Variants in CLTB observed in about 807,000 individuals in gnomAD.
The protein encoded by CLTB is clathrin light chain B, also known as clathrin, light chain (Lcb).
Under a neutral mutation model 30.5 loss-of-function variants are expected in CLTB, and 10 were observed. The observed-to-expected ratio is 0.33, with a 90% CI of 0.20 to 0.56. The LOEUF (loss-of-function observed/expected upper bound fraction) is 0.56. Ranked by LOEUF, CLTB falls within the 20% of genes least tolerant of loss-of-function variation. The pLI, the probability that CLTB is intolerant of heterozygous loss-of-function variation, is 0.91. For synonymous variants in CLTB, 102 were observed against 120.3 expected (o/e 0.85, Z 1.00); for missense variants, 261 against 308.3 (o/e 0.85, Z 1.15).
At position 176,406,772 on chromosome 5, in the gene CLTB, G is replaced by T. The variant is rs561853948; in HGVS notation, c.234+3485C>A. The T allele has an allele frequency of 5.0e-6, 6 of 1,204,342 alleles. No homozygotes were observed. In the African/African-American group the frequency reaches 7.8e-5, roughly 16 times the overall value. The allele number at this position is 1,204,342 out of a possible 1,614,324, so 74.6% of individuals were successfully genotyped here. ...TCTGGGATCCTTGAAAGTGTTGGGTGTGCACAGGCCAAGGTTTCTCCTCCC... is the reference window on the plus strand; with the variant it reads ...TCTGGGATCCTTGAAAGTGTTGGGTTTGCACAGGCCAAGGTTTCTCCTCCC... On this transcript the variant is annotated intron_variant, in intron 2 of 5. Transcript: ENST00000310418.
chr5:176,413,215 GAC>G (rs937181241), intron 1 of CLTB, among the ~76,000 whole-genome samples: 5 of 152,168 alleles, frequency 3.3e-5, no homozygotes, highest in Non-Finnish European at 7.3e-5. Context: ...CTGAGACAGA[GAC>G]ACGTCCCAGG....
intron 2 of CLTB, among the ~76,000 whole-genome samples, chr5:176,400,458 G>C (rs2113645496): frequency 6.6e-6 from 1 of 152,254 alleles, no homozygotes; most frequent in Non-Finnish European, 1.5e-5. Context: ...TGACTCCCAG[G>C]CAGGGGCTCT....
rs1165667196 is a variant in CLTB at position 176,393,552 on chromosome 5, GA to G, written c.519-608del. On this transcript the variant is annotated intron_variant, in intron 5 of 5. Coordinates refer to ENST00000310418, the MANE Select transcript of CLTB (RefSeq NM_007097.5). This position sits in a 1 kb window ranked among gnomAD's most constrained non-coding sequence, Gnocchi z 4.4. ...GCCTTTCATGTGCTGTGTGCGTCGT[GA>G]CCCTCCAAGGTGTGTATGTGATGGA... 1.3e-5 allele frequency among the ~76,000 whole-genome samples: 2 copies of G among 152,156 alleles called. No individual in the cohort carries two copies. Among genetic ancestry groups the G allele is most frequent in the Non-Finnish European group, 2.9e-5 (2 of 68,038 alleles).
chr5:176,398,194 CA>C (rs1342678837), intron 2 of CLTB, 147 bp from the exon 3 acceptor site: 1 of 691,552 alleles, frequency 1.4e-6, no homozygotes, highest in African/African-American at 1.8e-5. Context: ...CCTATCTTTG[CA>C]CTTGCTGTTC....
intron 2 of CLTB, among the ~76,000 whole-genome samples, chr5:176,404,247 A>G (rs1756983418): frequency 6.6e-6 from 1 of 152,152 alleles, no homozygotes; most frequent in Admixed American, 6.5e-5. Flanking sequence ...TCTCAAGACA[A>G]GACTAGAGAC....
chr5:176,416,449 C>A lies in CLTB; in HGVS notation c.-86G>T. The stretch of plus-strand genomic sequence containing the variant: ...CTGCGTCCGGCGGCCGCGACGCTGT[C>A]ACCCGAGCCGCGGGGGAGCCGGCGT... On this transcript the variant is annotated 5_prime_UTR_variant, in exon 1 of 6. Transcript: ENST00000310418. 9.2e-7 allele frequency: 1 copy of A among 1,091,780 alleles called. No homozygotes were observed. The highest frequency in any genetic ancestry group is 3.3e-5 in the South Asian group (1 of 30,204). The allele number at this position is 1,091,780 out of a possible 1,614,324, so 67.6% of individuals were successfully genotyped here.
At chr5:176,398,199 G>T in intron 2 of CLTB, 152 bp from the exon 3 acceptor site, 1 of 680,290 alleles carries the variant, frequency 1.5e-6, no homozygotes, top group Non-Finnish European at 2.6e-6. Flanking sequence ...CTTTGCACTT[G>T]CTGTTCCCTC....
intron 2 of CLTB, among the ~76,000 whole-genome samples, chr5:176,404,337 C>T (rs565784752): frequency 5.1e-4 from 78 of 152,358 alleles, no homozygotes; most frequent in Middle Eastern, 3.4e-3. Flanking sequence ...ACCCTCAGCT[C>T]GCCTAGGGGC....
chr5:176,409,266 G>A (rs1447316247), intron 2 of CLTB, among the ~76,000 whole-genome samples: 2 of 116,738 alleles, frequency 1.7e-5, no homozygotes, highest in African/African-American at 3.3e-5. Flanking sequence ...GAGCCACCAC[G>A]CCCAGCCCAA....
intron 2 of CLTB, among the ~76,000 whole-genome samples, chr5:176,408,919 T>C (rs1757276675): frequency 6.8e-6 from 1 of 147,234 alleles, no homozygotes; most frequent in Non-Finnish European, 1.5e-5. Flanking sequence ...CACCCCACCC[T>C]TGGGGCTAAC....
At chr5:176,410,210 A>G in intron 2 of CLTB, 47 bp downstream of exon 2, 3 of 1,553,322 alleles carry the variant, frequency 1.9e-6, no homozygotes, top group Non-Finnish European at 2.7e-6. Flanking sequence ...GGTTACTGAG[A>G]CCAGGGCTGT....
intron 2 of CLTB, among the ~76,000 whole-genome samples, chr5:176,409,167 G>A (rs911151449): frequency 4.0e-5 from 6 of 151,642 alleles, no homozygotes; most frequent in African/African-American, 9.7e-5. Flanking sequence ...GTAGAGGTGC[G>A]GTTTCACCGT....
At chr5:176,402,706 G>A (rs974188588) in intron 2 of CLTB, among the ~76,000 whole-genome samples, 14 of 152,216 alleles carry the variant, frequency 9.2e-5, no homozygotes, top group Non-Finnish European at 4.4e-5. Context: ...TTGGGGACAG[G>A]GACGAGCAAG....
chr5:176,405,264 G>GGACT (rs1351467807), intron 2 of CLTB, among the ~76,000 whole-genome samples: 4 of 152,064 alleles, frequency 2.6e-5, no homozygotes, highest in Non-Finnish European at 5.9e-5. Context: ...CTGAGCAGGA[G>GGACT]GACTGCTTGA....
chr5:176,415,826 GCA>G (rs1158442700), intron 1 of CLTB, among the ~76,000 whole-genome samples: 1 of 152,182 alleles, frequency 6.6e-6, no homozygotes, highest in Non-Finnish European at 1.5e-5. Flanking sequence ...GCCCACACCT[GCA>G]CACTTAGCTG....
chr5:176,412,815 C>G (rs1757512150), intron 1 of CLTB, among the ~76,000 whole-genome samples: 1 of 152,162 alleles, frequency 6.6e-6, no homozygotes, highest in Non-Finnish European at 1.5e-5. Context: ...ACAGTGGGAC[C>G]AATAGCATTT....
chr5:176,398,540 G>A (rs1198607781), intron 2 of CLTB, among the ~76,000 whole-genome samples: 11 of 151,792 alleles, frequency 7.2e-5, no homozygotes, highest in Non-Finnish European at 4.4e-5. Flanking sequence ...GAGAAATCCC[G>A]ACTCTACTAA....
intron 2 of CLTB, among the ~76,000 whole-genome samples, chr5:176,404,188 G>A (rs1756981564): frequency 6.6e-6 from 1 of 152,210 alleles, no homozygotes; most frequent in Non-Finnish European, 1.5e-5. Flanking sequence ...AGCTAATAGG[G>A]CCCAAAGTCA....
chr5:176,409,406 C>CT (rs34831947), intron 2 of CLTB, among the ~76,000 whole-genome samples: 3,300 of 79,630 alleles, frequency 0.041, 102 homozygotes, highest in Non-Finnish European at 0.058. Context: ...TCTGATTGCC[C>CT]TTTTTTTTTT....
Sources: allele counts gnomAD v4.1 joint callset (sites outside exome capture counted in the v4.1 genomes callset), GRCh38; gene constraint gnomAD v4.1.1; non-coding constraint Gnocchi (gnomAD v3.1); transcripts MANE v1.5; gene names NCBI Gene and HGNC (gene_info 2026-07-23, HGNC 2026-07-21).